DIP2C: variants seen among roughly 807,000 people sequenced by gnomAD.
DIP2C encodes DIP2 acetate--CoA ligase C (putative).
Under a neutral mutation model 192.4 loss-of-function variants are expected in DIP2C, and 33 were observed. That is an observed-to-expected ratio of 0.17 (90% CI 0.13 to 0.23). The LOEUF (loss-of-function observed/expected upper bound fraction) is 0.23. DIP2C is among the 10% of genes least tolerant of loss of function. The pLI is 1.00. For synonymous variants in DIP2C, 979 were observed against 864.1 expected (o/e 1.13, Z -2.33); for missense variants, 1,537 against 2,110.1 (o/e 0.73, Z 5.32).
At chr10:343,945 G>A (rs906544197) in intron 28 of DIP2C, among the ~76,000 whole-genome samples, 1 of 152,222 alleles carries the variant, frequency 6.6e-6, no homozygotes, top group African/African-American at 2.4e-5. Flanking sequence ...GTGTAAGAGA[G>A]GCTGCTCCCA....
chr10:509,918 A>C (rs1845895104), intron 1 of DIP2C, among the ~76,000 whole-genome samples: 1 of 152,192 alleles, frequency 6.6e-6, no homozygotes, highest in Non-Finnish European at 1.5e-5. Flanking sequence ...AGCAAGAGGA[A>C]GCTTCCCAGG....
intron 1 of DIP2C, among the ~76,000 whole-genome samples, chr10:562,137 T>C (rs1849252439): frequency 6.6e-6 from 1 of 152,246 alleles, no homozygotes; most frequent in East Asian, 1.9e-4. Flanking sequence ...CTTCTCAAGG[T>C]TCTCCACAAT....
At chr10:301,121 G>A (rs1034513803) in intron 32 of DIP2C, among the ~76,000 whole-genome samples, 7 of 152,166 alleles carry the variant, frequency 4.6e-5, no homozygotes, top group African/African-American at 1.4e-4. Flanking sequence ...TGGCCTTGCC[G>A]GGTGCCACCA....
intron 29 of DIP2C, among the ~76,000 whole-genome samples, chr10:339,668 A>G (rs1033940464): frequency 1.3e-5 from 2 of 152,250 alleles, no homozygotes; most frequent in South Asian, 2.1e-4. Flanking sequence ...ACCTGAGGCC[A>G]TGTTCTGAGC....
In DIP2C at chr10:432,449, C is replaced by T. The variant is rs115245257; in HGVS notation, c.394+8422G>A. Among the ~76,000 whole-genome samples, 538 of 152,238 alleles carry T rather than the reference C, an allele frequency of 3.5e-3. 7 individuals carry two copies. The highest frequency in any genetic ancestry group is 0.012 in the African/African-American group (517 of 41,538). On this transcript the variant is annotated intron_variant, in intron 4 of 36. Coordinates refer to ENST00000280886, the MANE Select transcript of DIP2C (RefSeq NM_014974.3). ...TAAAGAAATTGGTCCATTTCATCCA[C>T]GTTATCAAATTTGTGGCCATAGAGT...
intron 3 of DIP2C, among the ~76,000 whole-genome samples, chr10:449,917 C>CAAAAAAAAAAAA (rs1287942290): frequency 8.9e-5 from 2 of 22,532 alleles, no homozygotes; most frequent in Non-Finnish European, 2.2e-4. Flanking sequence ...CAGTCAACAA[C>CAAAAAAAAAAAA]AACAAAAAAA....
chr10:502,632 C>T (rs1845316253), intron 1 of DIP2C, among the ~76,000 whole-genome samples: 2 of 152,102 alleles, frequency 1.3e-5, no homozygotes. Flanking sequence ...AGATCCAATA[C>T]CTGAGTTCAG....
intron 1 of DIP2C, among the ~76,000 whole-genome samples, chr10:573,881 A>T (rs937996768): frequency 2.0e-5 from 3 of 152,228 alleles, no homozygotes; most frequent in Non-Finnish European, 4.4e-5. Context: ...CAGAAGCAGC[A>T]TTCTTCAAGT....
Position 363,382 on chromosome 10 carries a change from G to A in DIP2C, c.2478-71C>T, listed in dbSNP as rs540795933. ...TGCAGCCCTCCCTCCGCCATCAGGG[G>A]CTCCATAACCATCACTAGTGAGTGA... On this transcript the variant is annotated intron_variant, in intron 20 of 36. Transcript: ENST00000280886. The surrounding 1 kb of genome is among the most constrained non-coding windows in gnomAD (Gnocchi z 5.4). The A allele has an allele frequency of 1.1e-5, 15 of 1,347,538 alleles. No individual in the cohort carries two copies. The East Asian group carries it at 2.6e-4, about 23-fold the overall frequency. 83.5% of individuals were successfully genotyped at this position (1,347,538 alleles called of 1,614,324 possible). A position where few individuals can be genotyped will look rare whatever the true frequency, so the allele number is the denominator to read the frequency against.
At chr10:483,427 C>G (rs1843758190) in intron 2 of DIP2C, among the ~76,000 whole-genome samples, 2 of 152,244 alleles carry the variant, frequency 1.3e-5, no homozygotes, top group South Asian at 2.1e-4. Context: ...ACATGGTGCA[C>G]ACTTGCGTGT....
intron 14 of DIP2C, among the ~76,000 whole-genome samples, chr10:386,152 G>A (rs1169721546): frequency 6.6e-6 from 1 of 152,196 alleles, no homozygotes; most frequent in African/African-American, 2.4e-5. Context: ...CTAATGACGA[G>A]AGTGACTAAC....
intron 1 of DIP2C, among the ~76,000 whole-genome samples, chr10:624,747 C>T (rs1184669619): frequency 6.6e-6 from 1 of 152,220 alleles, no homozygotes; most frequent in African/African-American, 2.4e-5. Flanking sequence ...ACCTGCTGAG[C>T]CACGAGCCAG....
chr10:650,597 G>A (rs1855816070), intron 1 of DIP2C, among the ~76,000 whole-genome samples: 1 of 152,204 alleles, frequency 6.6e-6, no homozygotes, highest in South Asian at 2.1e-4. Flanking sequence ...TCAGTTTGCA[G>A]GGGCTGCCAG....
At chr10:281,644 C>T (rs1003812909) in intron 35 of DIP2C, among the ~76,000 whole-genome samples, 3 of 152,202 alleles carry the variant, frequency 2.0e-5, no homozygotes, top group Admixed American at 6.5e-5. Context: ...AACTGAGGGG[C>T]GAAGTCGGCA....
rs145941691 is a variant in DIP2C, at chr10:420,776, G to A, written c.605-1577C>T. 2.0e-3 allele frequency among the ~76,000 whole-genome samples: 308 copies of A among 152,264 alleles called. 4 individuals carry two copies. Among genetic ancestry groups the A allele is most frequent in the African/African-American group, 7.1e-3 (294 of 41,540 alleles). ...TTTTGCTTCAACAGCAAGTAGAAGC[G>A]TGGCCAGCTCTGAGAGACTCCGTGA... On this transcript the variant is annotated intron_variant, in intron 5 of 36. Coordinates refer to ENST00000280886, the MANE Select transcript of DIP2C (RefSeq NM_014974.3).
intron 29 of DIP2C, among the ~76,000 whole-genome samples, chr10:332,169 C>T (rs1186994388): frequency 6.6e-6 from 1 of 152,142 alleles, no homozygotes; most frequent in Admixed American, 6.5e-5. Flanking sequence ...CCAAGCTGGT[C>T]TTGAACGCCT....
chr10:366,920 C>T (rs2132755494), intron 18 of DIP2C, among the ~76,000 whole-genome samples: 1 of 152,320 alleles, frequency 6.6e-6, no homozygotes, highest in South Asian at 2.1e-4. Flanking sequence ...GCCACCAACA[C>T]TTTCATGCTT....
chr10:547,043 A>T (rs1313651814), intron 1 of DIP2C, among the ~76,000 whole-genome samples: 2 of 152,176 alleles, frequency 1.3e-5, no homozygotes, highest in Non-Finnish European at 2.9e-5. Flanking sequence ...GCGGTTCTGC[A>T]GGTTCATGGG....
At chr10:295,284 G>A (rs567078365) in intron 32 of DIP2C, among the ~76,000 whole-genome samples, 2 of 152,166 alleles carry the variant, frequency 1.3e-5, no homozygotes, top group African/African-American at 2.4e-5. Flanking sequence ...ATTATTGGCC[G>A]GGCGCGGTGG....
Sources: gnomAD v4.1 joint callset for allele counts (sites outside exome capture counted in the v4.1 genomes callset) on GRCh38, gnomAD v4.1.1 for gene constraint, Gnocchi (gnomAD v3.1) non-coding constraint, MANE v1.5 for transcripts, NCBI Gene and HGNC (gene_info 2026-07-23, HGNC 2026-07-21) for gene names.